MNAT1: variants seen among roughly 807,000 people sequenced by gnomAD.
MNAT1 encodes the protein MNAT1 component of CDK activating kinase.
Under a neutral mutation model 42.0 loss-of-function variants are expected in MNAT1, and 43 were observed. The ratio of observed to expected loss-of-function variants is 1.02; its 90% confidence interval spans 0.80 to 1.32. The LOEUF (loss-of-function observed/expected upper bound fraction) is 1.32, where lower values mean the gene tolerates loss of function less well. MNAT1 is among the 40% of genes most tolerant of loss of function. The pLI is 0.00. For synonymous variants in MNAT1, 118 were observed against 120.0 expected, an observed-to-expected ratio of 0.98 and a Z score of 0.11; for missense variants, 306 against 350.4, an observed-to-expected ratio of 0.87 and a Z score of 1.01.
At chr14:60,918,326 A>G (rs920865184) in intron 7 of MNAT1, among the ~76,000 whole-genome samples, 16 of 142,602 alleles carry the variant, frequency 1.1e-4, no homozygotes, top group East Asian at 2.2e-4. Context: ...CTCCTGCCTC[A>G]GCCTCCTGAG....
intron 7 of MNAT1, among the ~76,000 whole-genome samples, chr14:60,907,414 C>T (rs1484958291): frequency 8.3e-5 from 9 of 108,132 alleles, no homozygotes; most frequent in Admixed American, 2.7e-4. Flanking sequence ...GCCTGTGTGA[C>T]AGAGCAAGAC....
At chr14:60,780,789 C>T (rs2031431298) in intron 1 of MNAT1, among the ~76,000 whole-genome samples, 1 of 151,724 alleles carries the variant, frequency 6.6e-6, no homozygotes, top group Non-Finnish European at 1.5e-5. Flanking sequence ...GAGTTAACAT[C>T]ATGAATTTAT....
rs987287922 is a variant in MNAT1 at position 60,917,561 on chromosome 14, T to A, written c.809+37726T>A. Among the ~76,000 whole-genome samples the A allele has an allele frequency of 3.3e-5, 5 of 152,170 alleles. No individual in the cohort carries two copies. In the East Asian group the frequency reaches 7.7e-4, roughly 23 times the overall value. On this transcript the variant is annotated intron_variant, in intron 7 of 7. Coordinates refer to ENST00000261245, the MANE Select transcript of MNAT1 (RefSeq NM_002431.4). ...ATGAACATGGGACATATGCAACTTG[T>A]ATATGTTGAATCCATATTTCAAATA... is the stretch of plus-strand genomic sequence containing the variant.
At chr14:60,866,007 A>T (rs1002786119) in intron 6 of MNAT1, among the ~76,000 whole-genome samples, 1 of 152,130 alleles carries the variant, frequency 6.6e-6, no homozygotes, top group African/African-American at 2.4e-5. Context: ...ACTCTGCTGA[A>T]TGAAAATTCA....
chr14:60,764,198 T>C (rs777695088), intron 1 of MNAT1, among the ~76,000 whole-genome samples: 1 of 152,232 alleles, frequency 6.6e-6, no homozygotes, highest in Admixed American at 6.5e-5. Context: ...AAACTACTTA[T>C]ATATGTAAAG....
Position 60,769,111 on chromosome 14 carries a change from A to T in MNAT1, c.90-27106A>T, listed in dbSNP as rs182277264. On this transcript the variant is annotated intron_variant, in intron 1 of 7. Coordinates refer to ENST00000261245, the MANE Select transcript of MNAT1 (RefSeq NM_002431.4). The stretch of plus-strand genomic sequence containing the variant: ...TTGAACCCTCTATCTTTTTTCTATT[A>T]TATTTTCTCCTCCTCCCATAGAAAT... 2.1e-3 allele frequency among the ~76,000 whole-genome samples: 319 copies of T among 152,148 alleles called. 5 individuals carry two copies. Among genetic ancestry groups the T allele is most frequent in the Non-Finnish European group, 3.8e-4 (26 of 67,976 alleles).
intron 5 of MNAT1, among the ~76,000 whole-genome samples, chr14:60,818,180 A>C (rs1566779508): frequency 6.6e-6 from 1 of 152,022 alleles, no homozygotes; most frequent in Non-Finnish European, 1.5e-5. Context: ...TTTAACTGTC[A>C]TTTTGTTACT....
chr14:60,818,429 GTGA>G (rs1175037829), intron 5 of MNAT1, among the ~76,000 whole-genome samples: 1 of 151,878 alleles, frequency 6.6e-6, no homozygotes, highest in Non-Finnish European at 1.5e-5. Context: ...TACTCTTTTT[GTGA>G]TTAGCTTATT....
intron 6 of MNAT1, among the ~76,000 whole-genome samples, chr14:60,851,385 T>A (rs1479253531): frequency 1.3e-5 from 2 of 151,450 alleles, no homozygotes; most frequent in African/African-American, 4.9e-5. Context: ...CTGCAGATAC[T>A]GCGTTTTTAA....
chr14:60,794,660 A>AATATATATATATATATAT (rs67332094), intron 1 of MNAT1, among the ~76,000 whole-genome samples: 1 of 28,634 alleles, frequency 3.5e-5, no homozygotes, highest in African/African-American at 1.4e-4. Flanking sequence ...AAAAAAAAAA[A>AATATATATATATATATAT]ATATATATAT....
chr14:60,822,504 C>T (rs2032920826), intron 6 of MNAT1, among the ~76,000 whole-genome samples: 1 of 152,034 alleles, frequency 6.6e-6, no homozygotes, highest in Admixed American at 6.6e-5. Flanking sequence ...TCCTAGCTCA[C>T]TGTAGCCTAC....
chr14:60,916,135 C>G (rs1052512112), intron 7 of MNAT1, among the ~76,000 whole-genome samples: 1 of 152,188 alleles, frequency 6.6e-6, no homozygotes, highest in Non-Finnish European at 1.5e-5. Flanking sequence ...GATGTTGGCT[C>G]TATCACTTCC....
intron 6 of MNAT1, among the ~76,000 whole-genome samples, chr14:60,858,195 T>C (rs1326626791): frequency 6.6e-6 from 1 of 152,204 alleles, no homozygotes; most frequent in Admixed American, 6.5e-5. Context: ...CTACCAACAG[T>C]GTAAAAGCAT....
At chr14:60,939,654 A>G (rs921665349) in intron 7 of MNAT1, among the ~76,000 whole-genome samples, 1 of 152,158 alleles carries the variant, frequency 6.6e-6, no homozygotes, top group South Asian at 2.1e-4. Context: ...ACTTCCAACT[A>G]TGTGGTCAAT....
intron 1 of MNAT1, among the ~76,000 whole-genome samples, chr14:60,759,058 A>G (rs778123623): frequency 1.1e-4 from 17 of 152,138 alleles, no homozygotes; most frequent in Non-Finnish European, 2.2e-4. Flanking sequence ...TTTCAAACTG[A>G]AACTCTGAGA....
chr14:60,742,339 C>G (rs1020488412), intron 1 of MNAT1, among the ~76,000 whole-genome samples: 1 of 152,146 alleles, frequency 6.6e-6, no homozygotes, highest in African/African-American at 2.4e-5. Flanking sequence ...CTACCCACCT[C>G]AGCCTCCCAA....
intron 7 of MNAT1, among the ~76,000 whole-genome samples, chr14:60,917,135 T>G (rs2035537622): frequency 6.6e-6 from 1 of 152,128 alleles, no homozygotes; most frequent in Non-Finnish European, 1.5e-5. Flanking sequence ...CCGCTCAAAT[T>G]GTTTCTAAAG....
chr14:60,816,783 G>A (rs1404252974), intron 5 of MNAT1, among the ~76,000 whole-genome samples: 4 of 152,000 alleles, frequency 2.6e-5, no homozygotes, highest in Non-Finnish European at 4.4e-5. Flanking sequence ...TTAACACTTA[G>A]TAAGGCTTCC....
At chr14:60,752,368 T>A (rs539500290) in intron 1 of MNAT1, among the ~76,000 whole-genome samples, 19 of 152,314 alleles carry the variant, frequency 1.2e-4, no homozygotes, top group East Asian at 1.2e-3. Flanking sequence ...TTGCATTTTT[T>A]AAAAAATGTA....
Sources: allele counts gnomAD v4.1 joint callset (sites outside exome capture counted in the v4.1 genomes callset), GRCh38; gene constraint gnomAD v4.1.1; transcripts MANE v1.5; gene names NCBI Gene and HGNC (gene_info 2026-07-23, HGNC 2026-07-21).